SHTN1: variants seen among roughly 807,000 people sequenced by gnomAD.
SHTN1 encodes the protein shootin-1.
In SHTN1, 42 loss-of-function variants were observed where a neutral mutation model predicts 83.1. The observed-to-expected ratio is 0.51, with a 90% CI of 0.39 to 0.65. SHTN1 has a LOEUF of 0.65. Among genes scored for constraint, SHTN1 ranks in the 30% least tolerant of loss-of-function variants. The pLI, the probability that SHTN1 is intolerant of heterozygous loss-of-function variation, is 0.00. For missense variants in SHTN1, 622 were observed against 737.8 expected (o/e 0.84, Z 1.82); for synonymous variants, 224 against 247.7 (o/e 0.90, Z 0.90).
intron 1 of SHTN1, among the ~76,000 whole-genome samples, chr10:117,077,482 T>C (rs895689296): frequency 6.6e-6 from 1 of 151,408 alleles, no homozygotes; most frequent in Admixed American, 6.6e-5. Flanking sequence ...GGGAGGAGAA[T>C]CTTTTTTTTT....
chr10:116,963,971 CTG>C (rs774513740), intron 3 of SHTN1, among the ~76,000 whole-genome samples: 3 of 72,430 alleles, frequency 4.1e-5, no homozygotes, highest in Non-Finnish European at 6.4e-5. Flanking sequence ...TGTAGGGTAA[CTG>C]TTTTTTTTTT....
intron 1 of SHTN1, among the ~76,000 whole-genome samples, chr10:117,000,028 G>A (rs1320772987): frequency 2.0e-5 from 3 of 152,214 alleles, no homozygotes; most frequent in Non-Finnish European, 2.9e-5. Context: ...TTGCCAAACT[G>A]TTGTTCTTCA....
In SHTN1 at chr10:117,071,786, C is replaced by T. The variant is rs1442266944; in HGVS notation, c.-188-23276G>A. Among the ~76,000 whole-genome samples the T allele has an allele frequency of 2.0e-5, 3 of 152,130 alleles. No homozygotes were observed. In the East Asian group the frequency reaches 5.8e-4, roughly 29 times the overall value. On this transcript the variant is annotated intron_variant, in intron 1 of 17. Transcript: ENST00000392901. ...GGGTGCGGTGGCTCATGCCTGTAAC[C>T]CCAGCACTTTGGGAGGCCGAGGCGG... is the stretch of plus-strand genomic sequence containing the variant.
chr10:116,953,105 A>G (rs1413051897), intron 5 of SHTN1, among the ~76,000 whole-genome samples: 1 of 152,176 alleles, frequency 6.6e-6, no homozygotes, highest in Non-Finnish European at 1.5e-5. Flanking sequence ...TTCCAGTTGA[A>G]ATTTTATCTA....
intron 2 of SHTN1, among the ~76,000 whole-genome samples, chr10:117,024,756 G>T (rs1852307905): frequency 6.6e-6 from 1 of 152,144 alleles, no homozygotes; most frequent in Non-Finnish European, 1.5e-5. Context: ...AAAATATACT[G>T]AAGTCTTCAA....
intron 1 of SHTN1, among the ~76,000 whole-genome samples, chr10:117,117,373 G>A (rs1252477590): frequency 1.3e-5 from 2 of 151,854 alleles, no homozygotes; most frequent in Non-Finnish European, 2.9e-5. Flanking sequence ...ATCTATACAA[G>A]GAAACATTGG....
intron 1 of SHTN1, among the ~76,000 whole-genome samples, chr10:116,986,728 T>C (rs1285919276): frequency 7.0e-6 from 1 of 143,746 alleles, no homozygotes; most frequent in Non-Finnish European, 1.5e-5. Context: ...TTTTTTTTTT[T>C]TTTTTTTTTT....
At chr10:117,096,420 C>A (rs1318121652) in intron 1 of SHTN1, among the ~76,000 whole-genome samples, 1 of 152,066 alleles carries the variant, frequency 6.6e-6, no homozygotes, top group Non-Finnish European at 1.5e-5. Flanking sequence ...TCCAGCTGAA[C>A]TTTTTTTAAA....
intron 1 of SHTN1, among the ~76,000 whole-genome samples, chr10:116,987,366 CA>C (rs939652975): frequency 3.2e-4 from 49 of 152,174 alleles, no homozygotes; most frequent in African/African-American, 1.1e-3. Context: ...TCCTAATTGC[CA>C]AAACTTGGGA....
chr10:117,034,199 GA>G (rs144350511), intron 2 of SHTN1, among the ~76,000 whole-genome samples: 1 of 152,264 alleles, frequency 6.6e-6, no homozygotes, highest in Non-Finnish European at 1.5e-5. Flanking sequence ...TTAGATTAGA[GA>G]AAGAAACAAA....
intron 2 of SHTN1, among the ~76,000 whole-genome samples, chr10:117,026,404 T>G (rs559000319): frequency 4.8e-5 from 7 of 146,830 alleles, no homozygotes; most frequent in African/African-American, 1.3e-4. Context: ...CACAGTACAA[T>G]AGAAATCCAG....
intron 1 of SHTN1, among the ~76,000 whole-genome samples, chr10:117,053,028 A>AAAAAAAAAAAAAAAAAAAAAAAAGAAAG (rs1852772364): frequency 1.4e-5 from 2 of 145,350 alleles, no homozygotes. Flanking sequence ...TCAAAAAAAA[A>AAAAAAAAAAAAAAAAAAAAAAAAGAAAG]AAGAATTAAG....
At chr10:117,063,181 G>A (rs1002741786) in intron 1 of SHTN1, among the ~76,000 whole-genome samples, 1 of 151,924 alleles carries the variant, frequency 6.6e-6, no homozygotes, top group African/African-American at 2.4e-5. Context: ...TATTCCACAC[G>A]ATAATATCAT....
At chr10:117,011,809 GTATC>G (rs1350484651) in intron 2 of SHTN1, among the ~76,000 whole-genome samples, 1 of 152,082 alleles carries the variant, frequency 6.6e-6, no homozygotes, top group Non-Finnish European at 1.5e-5. Flanking sequence ...AAATCAAAGA[GTATC>G]TAAATAAATG....
intron 1 of SHTN1, among the ~76,000 whole-genome samples, chr10:116,988,547 T>G (rs1448175502): frequency 6.7e-6 from 1 of 149,868 alleles, no homozygotes; most frequent in Non-Finnish European, 1.5e-5. Context: ...ATTTATTTAT[T>G]TATTTATTTT....
intron 1 of SHTN1, among the ~76,000 whole-genome samples, chr10:117,075,212 T>C (rs1300207697): frequency 1.3e-5 from 2 of 152,208 alleles, no homozygotes; most frequent in African/African-American, 2.4e-5. Flanking sequence ...TTACTCTGCA[T>C]CCTGAGAATC....
chr10:116,989,850 T>G (rs993764719), intron 1 of SHTN1, among the ~76,000 whole-genome samples: 2 of 152,232 alleles, frequency 1.3e-5, no homozygotes, highest in Non-Finnish European at 2.9e-5. Flanking sequence ...CTTGTTCATT[T>G]TGTCTTTTGT....
intron 1 of SHTN1, among the ~76,000 whole-genome samples, chr10:117,110,815 T>G (rs191700204): frequency 1.2e-3 from 181 of 152,338 alleles, no homozygotes; most frequent in Admixed American, 2.8e-3. Context: ...AGGCTCAGCA[T>G]TTTACAAGCA....
intron 1 of SHTN1, among the ~76,000 whole-genome samples, chr10:117,061,853 TACA>T (rs1000704177): frequency 2.6e-5 from 4 of 152,202 alleles, no homozygotes; most frequent in African/African-American, 2.4e-5. Flanking sequence ...GGCCTGCTTC[TACA>T]AAACACATTC....
Sources: gnomAD v4.1 joint callset for allele counts (sites outside exome capture counted in the v4.1 genomes callset) on GRCh38, gnomAD v4.1.1 for gene constraint, MANE v1.5 for transcripts, NCBI Gene and HGNC (gene_info 2026-07-23, HGNC 2026-07-21) for gene names.